Variants in NRG3 observed in about 807,000 individuals in gnomAD.
The protein encoded by NRG3 is pro-neuregulin-3, membrane-bound isoform.
A neutral mutation model predicts 66.9 loss-of-function variants in NRG3; 31 were observed. The observed-to-expected ratio is 0.46, with a 90% CI of 0.35 to 0.63. The LOEUF (loss-of-function observed/expected upper bound fraction) is 0.63, where lower values mean the gene tolerates loss of function less well. Among genes scored for constraint, NRG3 ranks in the 20% least tolerant of loss-of-function variants. The probability of loss-of-function intolerance (pLI) is 0.00; values close to 1 mark genes in which losing one functional copy is unlikely to be tolerated. For missense variants in NRG3, 910 were observed against 878.9 expected (o/e 1.04, Z -0.45); for synonymous variants, 393 against 359.4 (o/e 1.09, Z -1.06).
At position 82,097,647 on chromosome 10, in the gene NRG3, G is replaced by A. The variant is rs1224995060; in HGVS notation, c.823+221484G>A. The stretch of plus-strand genomic sequence containing the variant: ...TAAAGACCTAGGAGTGGAATTGCTG[G>A]GTCATATGATACATGCATGTTTAAC... On this transcript the variant is annotated intron_variant, in intron 1 of 8. Coordinates refer to ENST00000372141, the MANE Select transcript of NRG3 (RefSeq NM_001010848.4). Among the ~76,000 whole-genome samples the A allele has an allele frequency of 2.6e-5, 4 of 151,510 alleles. No individual in the cohort carries two copies. In the East Asian group the frequency reaches 7.8e-4, roughly 29 times the overall value.
At chr10:82,211,877 A>G (rs150577258) in intron 1 of NRG3, among the ~76,000 whole-genome samples, 1 of 152,168 alleles carries the variant, frequency 6.6e-6, no homozygotes, top group African/African-American at 2.4e-5. Flanking sequence ...CCCCTATACT[A>G]GAAATGCAGT....
chr10:82,192,756 TA>T (rs2133369817), intron 1 of NRG3, among the ~76,000 whole-genome samples: 1 of 152,220 alleles, frequency 6.6e-6, no homozygotes, highest in Non-Finnish European at 1.5e-5. Flanking sequence ...GCTTAAAATC[TA>T]GGGGAAAAAT....
chr10:82,189,411 C>T (rs898175493), intron 1 of NRG3, among the ~76,000 whole-genome samples: 4 of 152,056 alleles, frequency 2.6e-5, no homozygotes, highest in African/African-American at 9.7e-5. Context: ...AATCCCAGCA[C>T]TTTGGGAGGC....
intron 3 of NRG3, among the ~76,000 whole-genome samples, chr10:82,811,401 G>A (rs559536491): frequency 2.6e-4 from 40 of 152,332 alleles, no homozygotes; most frequent in African/African-American, 8.7e-4. Context: ...TAGAAAGGGA[G>A]GCTTGTGGCG....
intron 3 of NRG3, among the ~76,000 whole-genome samples, chr10:82,776,418 G>A (rs1202963329): frequency 6.6e-6 from 1 of 152,158 alleles, no homozygotes; most frequent in Non-Finnish European, 1.5e-5. Flanking sequence ...CCCTTTGGTA[G>A]AATATGCTTG....
At chr10:82,457,418 C>T (rs1260876904) in intron 2 of NRG3, among the ~76,000 whole-genome samples, 4 of 152,166 alleles carry the variant, frequency 2.6e-5, no homozygotes, top group African/African-American at 9.7e-5. Context: ...GAATCTGATG[C>T]TGTTGCTGAT....
chr10:82,354,170 G>A (rs2083622930), intron 1 of NRG3, among the ~76,000 whole-genome samples: 1 of 150,634 alleles, frequency 6.6e-6, no homozygotes, highest in African/African-American at 2.4e-5. Flanking sequence ...GAGTAGCTGG[G>A]GTCACAGGCG....
chr10:82,132,493 A>ATATATATGATATATATAT (rs2068938760), intron 1 of NRG3, among the ~76,000 whole-genome samples: 4 of 19,478 alleles, frequency 2.1e-4, no homozygotes, highest in South Asian at 2.0e-3. Flanking sequence ...TATATATATG[A>ATATATATGATATATATAT]TATATATATA....
At chr10:82,408,900 A>G (rs2087829523) in intron 2 of NRG3, among the ~76,000 whole-genome samples, 1 of 152,118 alleles carries the variant, frequency 6.6e-6, no homozygotes, top group Non-Finnish European at 1.5e-5. Context: ...TTCTATAAAC[A>G]TGATGAGGAA....
At chr10:82,880,890 G>T (rs1173958487) in intron 4 of NRG3, among the ~76,000 whole-genome samples, 2 of 152,292 alleles carry the variant, frequency 1.3e-5, no homozygotes, top group African/African-American at 4.8e-5. Flanking sequence ...GTAGGGCCAT[G>T]AGCACAGTAA....
intron 1 of NRG3, among the ~76,000 whole-genome samples, chr10:82,201,196 CAAAAAAAAAAAA>C (rs35232518): frequency 3.8e-5 from 3 of 78,052 alleles, no homozygotes; most frequent in Non-Finnish European, 7.8e-5. Context: ...GACTCTGTCT[CAAAAAAAAAAAA>C]AAAAAAAAAG....
chr10:82,143,005 G>A (rs1554833670), intron 1 of NRG3, among the ~76,000 whole-genome samples: 1 of 149,126 alleles, frequency 6.7e-6, no homozygotes, highest in Non-Finnish European at 1.5e-5. Flanking sequence ...CTGGGCTCAA[G>A]CGATCCTCCT....
intron 2 of NRG3, among the ~76,000 whole-genome samples, chr10:82,410,618 GTTGTACAACCTTCTGAATA>G (rs1253991874): frequency 1.3e-5 from 2 of 151,652 alleles, no homozygotes; most frequent in East Asian, 3.9e-4. Context: ...GAGGTTGATG[GTTGTACAACCTTCTGAATA>G]TTGTACAACC....
intron 1 of NRG3, among the ~76,000 whole-genome samples, chr10:82,280,951 G>T (rs1405086043): frequency 6.6e-6 from 1 of 152,172 alleles, no homozygotes; most frequent in Non-Finnish European, 1.5e-5. Context: ...TTTGGTCCCA[G>T]AAATATTAAA....
chr10:82,670,292 A>C (rs1248506864), intron 2 of NRG3, among the ~76,000 whole-genome samples: 2 of 152,026 alleles, frequency 1.3e-5, no homozygotes, highest in Non-Finnish European at 2.9e-5. Flanking sequence ...TATTCTCCTC[A>C]GTAGTCACCC....
At chr10:81,922,972 A>G (rs1324309145) in intron 1 of NRG3, among the ~76,000 whole-genome samples, 1 of 152,152 alleles carries the variant, frequency 6.6e-6, no homozygotes, top group African/African-American at 2.4e-5. Flanking sequence ...ACATATTCAA[A>G]AAAGTTTCTA....
At chr10:81,965,504 C>T (rs1392679156) in intron 1 of NRG3, among the ~76,000 whole-genome samples, 1 of 152,138 alleles carries the variant, frequency 6.6e-6, no homozygotes, top group East Asian at 1.9e-4. Flanking sequence ...TTGATAGGCA[C>T]AGTGGGGTGT....
intron 1 of NRG3, among the ~76,000 whole-genome samples, chr10:82,075,898 G>T (rs2065064895): frequency 6.6e-6 from 1 of 151,268 alleles, no homozygotes; most frequent in Non-Finnish European, 1.5e-5. Flanking sequence ...ATTATGGAGG[G>T]AGAATGAAAT....
chr10:82,694,038 G>C (rs752388459), intron 2 of NRG3, among the ~76,000 whole-genome samples: 2 of 152,134 alleles, frequency 1.3e-5, no homozygotes, highest in South Asian at 2.1e-4. Flanking sequence ...GCTGATTGGT[G>C]CATTTTTACA....
Sources: gnomAD v4.1 joint callset for allele counts (sites outside exome capture counted in the v4.1 genomes callset) on GRCh38, gnomAD v4.1.1 for gene constraint, MANE v1.5 for transcripts, NCBI Gene and HGNC (gene_info 2026-07-23, HGNC 2026-07-21) for gene names.